Variants in GPC6 observed in about 807,000 individuals in gnomAD.
GPC6 encodes the protein glypican-6.
In GPC6, 14 loss-of-function variants were observed where a neutral mutation model predicts 55.2. The ratio of observed to expected loss-of-function variants is 0.25; its 90% CI spans 0.17 to 0.40. The LOEUF (loss-of-function observed/expected upper bound fraction) is 0.40, where lower values mean the gene tolerates loss of function less well. Ranked by LOEUF, GPC6 falls within the 10% of genes least tolerant of loss-of-function variation. The probability of loss-of-function intolerance (pLI) is 1.00; values close to 1 mark genes in which losing one functional copy is unlikely to be tolerated. For synonymous variants in GPC6, 278 were observed against 259.6 expected, an observed-to-expected ratio of 1.07 and a Z score of -0.68; for missense variants, 641 against 708.5, an observed-to-expected ratio of 0.90 and a Z score of 1.08.
intron 2 of GPC6, among the ~76,000 whole-genome samples, chr13:93,640,311 T>C (rs1879859436): frequency 6.6e-6 from 1 of 152,114 alleles, no homozygotes; most frequent in Non-Finnish European, 1.5e-5. Flanking sequence ...GGAAAAATAA[T>C]TATCAAGTAT....
At chr13:93,224,025 G>C (rs1038030024), upstream of GPC6, among the ~76,000 whole-genome samples, 6 of 148,844 alleles carry the variant, frequency 4.0e-5, no homozygotes, top group African/African-American at 1.5e-4. Flanking sequence ...TCAGCCTCCT[G>C]AGTAGCTGGG....
At chr13:93,289,403 AT>A (rs1434093412) in intron 1 of GPC6, among the ~76,000 whole-genome samples, 5 of 152,192 alleles carry the variant, frequency 3.3e-5, no homozygotes, top group African/African-American at 1.2e-4. Flanking sequence ...ATGTCCTCAA[AT>A]TGATTATTTT....
intron 2 of GPC6, among the ~76,000 whole-genome samples, chr13:93,593,529 A>G (rs1016480335): frequency 6.6e-6 from 1 of 152,166 alleles, no homozygotes; most frequent in African/African-American, 2.4e-5. Context: ...AGATTTTCAG[A>G]GTTCTCTTTA....
intron 4 of GPC6, among the ~76,000 whole-genome samples, chr13:94,241,942 AAGTTTTAGGG>A (rs1336472087): frequency 2.0e-5 from 3 of 150,810 alleles, no homozygotes; most frequent in Non-Finnish European, 4.4e-5. Flanking sequence ...ATTATGCTTT[AAGTTTTAGGG>A]TACATGTGCA....
At chr13:93,688,616 C>T (rs1447540989) in intron 2 of GPC6, among the ~76,000 whole-genome samples, 1 of 151,856 alleles carries the variant, frequency 6.6e-6, no homozygotes. Flanking sequence ...ATGACAACAT[C>T]CTACAATGTG....
At chr13:94,248,049 G>A (rs144273956) in intron 4 of GPC6, among the ~76,000 whole-genome samples, 247 of 152,146 alleles carry the variant, frequency 1.6e-3, no homozygotes, top group Middle Eastern at 6.8e-3. Context: ...TAGGTATCAA[G>A]GTGATGCTGG....
chr13:93,552,073 GA>G (rs1223013538), intron 2 of GPC6, among the ~76,000 whole-genome samples: 1 of 152,256 alleles, frequency 6.6e-6, no homozygotes, highest in Non-Finnish European at 1.5e-5. Flanking sequence ...ATCATTCTAG[GA>G]AGTAATTAGC....
At chr13:94,211,664 G>A (rs1333247) in intron 4 of GPC6, among the ~76,000 whole-genome samples, 103,794 of 151,948 alleles carry the variant, frequency 0.68, 35,498 homozygotes, top group East Asian at 0.83. Flanking sequence ...AATGAGAGAA[G>A]GCTTACGTGG....
At chr13:94,141,714 C>A (rs1431857015) in intron 4 of GPC6, among the ~76,000 whole-genome samples, 1 of 152,140 alleles carries the variant, frequency 6.6e-6, no homozygotes, top group East Asian at 1.9e-4. Context: ...CTTATCCTCT[C>A]AAACATGTAA....
intron 1 of GPC6, among the ~76,000 whole-genome samples, chr13:93,255,182 C>T (rs1191669331): frequency 6.6e-6 from 1 of 152,158 alleles, no homozygotes; most frequent in African/African-American, 2.4e-5. Context: ...ATGATTACCC[C>T]AGATTTTTTT....
intron 4 of GPC6, among the ~76,000 whole-genome samples, chr13:94,085,664 A>G (rs1448399228): frequency 6.6e-6 from 1 of 152,226 alleles, no homozygotes; most frequent in Non-Finnish European, 1.5e-5. Context: ...TGAAAAAGGC[A>G]GGAGTAATCA....
intron 4 of GPC6, among the ~76,000 whole-genome samples, chr13:94,283,267 A>T (rs1489008515): frequency 6.6e-6 from 1 of 152,256 alleles, no homozygotes; most frequent in Non-Finnish European, 1.5e-5. Flanking sequence ...CAACTTTACA[A>T]GCACGATTTC....
intron 2 of GPC6, among the ~76,000 whole-genome samples, chr13:93,686,063 T>G (rs1244335004): frequency 6.6e-6 from 1 of 152,162 alleles, no homozygotes; most frequent in Non-Finnish European, 1.5e-5. Flanking sequence ...GTTACTTTGC[T>G]TTTATTAACT....
intron 4 of GPC6, among the ~76,000 whole-genome samples, chr13:94,039,438 C>T (rs746608594): frequency 1.3e-5 from 2 of 151,680 alleles, no homozygotes; most frequent in South Asian, 4.2e-4. Flanking sequence ...TATAGGACTC[C>T]GGGTCTAAAT....
At chr13:93,673,838 G>T (rs1881472244) in intron 2 of GPC6, among the ~76,000 whole-genome samples, 2 of 152,048 alleles carry the variant, frequency 1.3e-5, no homozygotes, top group South Asian at 4.2e-4. Flanking sequence ...ATTTTTATGA[G>T]AACTTTGTTT....
At chr13:93,571,170 T>G (rs1285228685) in intron 2 of GPC6, among the ~76,000 whole-genome samples, 1 of 152,130 alleles carries the variant, frequency 6.6e-6, no homozygotes, top group Admixed American at 6.6e-5. Context: ...CAGGGAGATC[T>G]AGATTTGGCT....
chr13:93,393,127 TAGAGAGAGAGAG>T (rs144440794), intron 1 of GPC6, among the ~76,000 whole-genome samples: 43 of 87,622 alleles, frequency 4.9e-4, no homozygotes, highest in Non-Finnish European at 8.4e-4. Flanking sequence ...TATATATATA[TAGAGAGAGAGAG>T]AGAGAGAGAG....
chr13:94,382,900 T>C (rs1220600415), intron 7 of GPC6, among the ~76,000 whole-genome samples: 2 of 152,218 alleles, frequency 1.3e-5, no homozygotes, highest in Non-Finnish European at 2.9e-5. Context: ...CATAGTTAAA[T>C]TTCCAGGGCT....
intron 2 of GPC6, among the ~76,000 whole-genome samples, chr13:93,676,161 A>G (rs1369628325): frequency 7.7e-5 from 3 of 38,828 alleles, no homozygotes; most frequent in Non-Finnish European, 1.3e-4. Flanking sequence ...ATATATATAT[A>G]TATATATACA....
Sources: gnomAD v4.1 joint callset for allele counts (sites outside exome capture counted in the v4.1 genomes callset) on GRCh38, gnomAD v4.1.1 for gene constraint, MANE v1.5 for transcripts, NCBI Gene and HGNC (gene_info 2026-07-23, HGNC 2026-07-21) for gene names.